MUSK: variants seen among roughly 807,000 people sequenced by gnomAD.
The protein encoded by MUSK is muscle, skeletal receptor tyrosine-protein kinase.
A neutral mutation model predicts 88.7 loss-of-function variants in MUSK; 55 were observed. That is an observed-to-expected ratio of 0.62 (90% CI 0.50 to 0.78). The LOEUF (loss-of-function observed/expected upper bound fraction) is 0.78, where lower values mean the gene tolerates loss of function less well. Among genes scored for constraint, MUSK ranks in the 30% least tolerant of loss-of-function variants. The pLI is 0.00. For synonymous variants in MUSK, 387 were observed against 391.9 expected, an observed-to-expected ratio of 0.99 and a Z score of 0.15; for missense variants, 1,015 against 1,074.3, an observed-to-expected ratio of 0.94 and a Z score of 0.77.
At position 110,762,194 on chromosome 9, in the gene MUSK, G is replaced by A; in HGVS notation, c.914-8G>A. The stretch of plus-strand genomic sequence containing the variant: ...ACTTCCTGTGGGAACTTCCTTTCCT[G>A]TTAATAGAATGGAGGTAAGAAACTG... On this transcript the variant is annotated splice_polypyrimidine_tract_variant and splice_region_variant and intron_variant, in intron 7 of 14. Coordinates refer to ENST00000374448, the MANE Select transcript of MUSK (RefSeq NM_005592.4). 2 of 1,442,384 alleles carry A rather than the reference G, an allele frequency of 1.4e-6. No individual in the cohort carries two copies. Among genetic ancestry groups the A allele is most frequent in the Non-Finnish European group, 9.1e-7 (1 of 1,092,930 alleles). 89.3% of individuals were successfully genotyped at this position (1,442,384 alleles called of 1,614,324 possible).
chr9:110,731,150 C>T (rs779744155), intron 5 of MUSK, among the ~76,000 whole-genome samples: 14 of 151,952 alleles, frequency 9.2e-5, no homozygotes, highest in South Asian at 2.1e-4. Flanking sequence ...TATATATATA[C>T]CATGCAGGGT....
chr9:110,669,019 T>A, intron 1 of MUSK, 36 bp downstream of exon 1: 1 of 1,558,210 alleles, frequency 6.4e-7, no homozygotes, highest in African/African-American at 1.4e-5. Flanking sequence ...TGTTGTCTTG[T>A]CATGGTTGTA....
chr9:110,755,829 T>C (rs967672649), intron 7 of MUSK, among the ~76,000 whole-genome samples: 3 of 151,158 alleles, frequency 2.0e-5, no homozygotes, highest in South Asian at 2.1e-4. Flanking sequence ...AAATGGAATA[T>C]GTTTTAGTTC....
At position 110,767,797 on chromosome 9, in the gene MUSK, ATGT is replaced by A. The variant is rs1039859283; in HGVS notation, c.921-18_921-16del. On this transcript the variant is annotated intron_variant, in intron 8 of 14. Transcript: ENST00000374448. ...GCCAAGAAATAGCATGTGATTAGAA[ATGT>A]TGTTCATTTCTTCTTTCAGTAAACC... 3 of 1,613,934 alleles carry A rather than the reference ATGT, an allele frequency of 1.9e-6. No individual in the cohort carries two copies. Among genetic ancestry groups the A allele is most frequent in the African/African-American group, 1.3e-5 (1 of 75,064 alleles).
Position 110,800,398 on chromosome 9 carries a change from A to G in MUSK, c.2020A>G (p.Thr674Ala). The G allele has an allele frequency of 6.2e-7, 1 of 1,613,702 alleles. No individual in the cohort carries two copies. The highest frequency in any genetic ancestry group is 8.5e-7 in the Non-Finnish European group (1 of 1,179,808). The change falls in exon 15 of 15, where the codon ACC (threonine) becomes GCC (alanine). Residue 674 changes from threonine (T) to alanine (A), a missense_variant. Physicochemically the swap from Thr to Ala is moderately conservative, Grantham distance 58. Transcript: ENST00000374448. ...GTTCCTCCGCAGCATGTCCCCTCAC[A>G]CCGTGTGCAGCCTCAGTCACAGTGA... is the stretch of plus-strand genomic sequence containing the variant. ...NEFLRSMSPHTVCSLSHSDLS... is the reference protein window; with the variant it reads ...NEFLRSMSPHAVCSLSHSDLS...
chr9:110,763,092 GT>G lies in MUSK; in HGVS notation c.920+892del, dbSNP rs924058537. Among the ~76,000 whole-genome samples the G allele has an allele frequency of 5.3e-5, 8 of 151,912 alleles. No homozygotes were observed. In the South Asian group the frequency reaches 8.3e-4, roughly 16 times the overall value. ...CATGTGGTACACAATAAAAAAAACA[GT>G]TTTTTTTAACTAAAAACACCTTTTA... On this transcript the variant is annotated intron_variant, in intron 8 of 14. Transcript: ENST00000374448.
chr9:110,690,139 G>GTATAAATATATAAATATAT (rs1258615022), intron 3 of MUSK, among the ~76,000 whole-genome samples: 12,536 of 59,042 alleles, frequency 0.21, 1,577 homozygotes, highest in Middle Eastern at 0.33. Context: ...TATAAATATA[G>GTATAAATATATAAATATAT]AAATATATAT....
intron 7 of MUSK, among the ~76,000 whole-genome samples, chr9:110,752,032 CCT>C (rs1027794705): frequency 2.0e-5 from 3 of 152,030 alleles, no homozygotes; most frequent in African/African-American, 7.2e-5. Context: ...TTGTCCAACC[CCT>C]GATTTGTTTG....
At chr9:110,680,729 C>T (rs988369396) in intron 1 of MUSK, among the ~76,000 whole-genome samples, 3 of 150,782 alleles carry the variant, frequency 2.0e-5, no homozygotes, top group Admixed American at 6.7e-5. Context: ...TGGGTACTTT[C>T]GACCTTAATA....
intron 6 of MUSK, among the ~76,000 whole-genome samples, chr9:110,741,535 GAAA>G (rs375445606): frequency 1.3e-5 from 2 of 151,736 alleles, no homozygotes; most frequent in South Asian, 4.2e-4. Flanking sequence ...TGTAAAACAG[GAAA>G]AAAAATGCCA....
chr9:110,738,364 T>A (rs2077054707), intron 6 of MUSK, among the ~76,000 whole-genome samples: 1 of 152,192 alleles, frequency 6.6e-6, no homozygotes, highest in African/African-American at 2.4e-5. Flanking sequence ...CATAGAGCAC[T>A]ATCTTATTAT....
At chr9:110,772,950 T>C (rs2131976764) in intron 9 of MUSK, among the ~76,000 whole-genome samples, 1 of 152,252 alleles carries the variant, frequency 6.6e-6, no homozygotes, top group South Asian at 2.1e-4. Context: ...TCACTCATGG[T>C]TTTCTAATTA....
At chr9:110,674,824 C>A (rs1262366552) in intron 1 of MUSK, among the ~76,000 whole-genome samples, 1 of 151,922 alleles carries the variant, frequency 6.6e-6, no homozygotes, top group East Asian at 1.9e-4. Context: ...GCTGCCCAGC[C>A]TGGTCTCAAA....
intron 5 of MUSK, among the ~76,000 whole-genome samples, chr9:110,713,305 G>A (rs1283465293): frequency 6.8e-6 from 1 of 147,620 alleles, no homozygotes; most frequent in African/African-American, 2.5e-5. Context: ...TGTCATTCAG[G>A]CTGAAGTGCA....
chr9:110,786,745 A>G (rs902278593), intron 13 of MUSK, among the ~76,000 whole-genome samples: 2 of 152,210 alleles, frequency 1.3e-5, no homozygotes, highest in Non-Finnish European at 2.9e-5. Context: ...ATATTAGCCT[A>G]TGTATCACCT....
rs1308953260 is a variant in MUSK at position 110,787,926 on chromosome 9, C to T, written c.1927+88C>T. 4.9e-6 allele frequency: 7 copies of T among 1,436,748 alleles called. No individual in the cohort carries two copies. In the South Asian group the frequency reaches 4.9e-5, roughly 10 times the overall value. The allele number at this position is 1,436,748 out of a possible 1,614,324, so 89.0% of individuals were successfully genotyped here. ...CCCCTTGTTCGTGCTTTTTCCTTTT[C>T]TCCTTGATCAGTGAGACGTTTCAGT... On this transcript the variant is annotated intron_variant, in intron 14 of 14. Coordinates refer to ENST00000374448, the MANE Select transcript of MUSK (RefSeq NM_005592.4).
At chr9:110,764,027 A>T (rs906757454) in intron 8 of MUSK, among the ~76,000 whole-genome samples, 1 of 152,192 alleles carries the variant, frequency 6.6e-6, no homozygotes, top group Admixed American at 6.5e-5. Context: ...TGCCTCTACA[A>T]GAAAGGGAAC....
intron 4 of MUSK, among the ~76,000 whole-genome samples, chr9:110,696,785 G>A (rs1188429580): frequency 1.3e-5 from 2 of 151,998 alleles, no homozygotes; most frequent in African/African-American, 4.8e-5. Context: ...ATAGTTAAAA[G>A]CAATGTGTTT....
rs954295332 is a variant in MUSK at position 110,802,384 on chromosome 9, G to T, written c.*1396G>T. ...TTCTCCTGAAAACGAACAGGGAAGA[G>T]AAAATAACAGTCTACTCTATACCAG... On this transcript the variant is annotated 3_prime_UTR_variant, in exon 15 of 15. Coordinates refer to ENST00000374448, the MANE Select transcript of MUSK (RefSeq NM_005592.4). Among the ~76,000 whole-genome samples the T allele has an allele frequency of 6.6e-6, 1 of 152,094 alleles. No individual in the cohort carries two copies. The highest frequency in any genetic ancestry group is 1.5e-5 in the Non-Finnish European group (1 of 67,998).
Sources: gnomAD v4.1 joint callset for allele counts (sites outside exome capture counted in the v4.1 genomes callset) on GRCh38, gnomAD v4.1.1 for gene constraint, MANE v1.5 for transcripts, NCBI Gene and HGNC (gene_info 2026-07-23, HGNC 2026-07-21) for gene names.